The following BBS9 variants were observed in gnomAD, a reference collection of about 807,000 sequenced individuals.
The protein encoded by BBS9 is protein PTHB1.
Under a neutral mutation model 117.7 loss-of-function variants are expected in BBS9, and 89 were observed. The observed-to-expected ratio is 0.76, with a 90% CI of 0.64 to 0.90. BBS9 has a LOEUF of 0.90. Ranked by LOEUF, BBS9 falls within the 40% of genes least tolerant of loss-of-function variation. BBS9 has a pLI of 0.00. For missense variants in BBS9, 982 were observed against 1,042.2 expected (o/e 0.94, Z 0.80); for synonymous variants, 379 against 370.9 (o/e 1.02, Z -0.25).
chr7:33,177,852 A>T (rs1275902685), intron 5 of BBS9: 2 of 374,312 alleles, frequency 5.3e-6, no homozygotes, highest in Non-Finnish European at 9.7e-6. Flanking sequence ...TCAAAATAAT[A>T]AAAAAAAACC....
chr7:33,578,993 G>A (rs1434556093), intron 21 of BBS9, among the ~76,000 whole-genome samples: 2 of 152,170 alleles, frequency 1.3e-5, no homozygotes, highest in African/African-American at 2.4e-5. Context: ...CGCATTCAGC[G>A]GCTTTAGGCT....
chr7:33,225,695 G>C (rs958351491), intron 5 of BBS9, among the ~76,000 whole-genome samples: 1 of 128,134 alleles, frequency 7.8e-6, no homozygotes, highest in East Asian at 2.2e-4. Flanking sequence ...TAAGGAGCTT[G>C]GTTCTTTTTT....
chr7:33,134,073 G>A (rs558123998), intron 1 of BBS9, among the ~76,000 whole-genome samples: 13 of 151,414 alleles, frequency 8.6e-5, no homozygotes, highest in East Asian at 7.8e-4. Context: ...TTTTTGAAAC[G>A]GAGTTTTGCT....
intron 19 of BBS9, among the ~76,000 whole-genome samples, chr7:33,436,771 G>A (rs961963381): frequency 6.6e-5 from 10 of 152,190 alleles, no homozygotes; most frequent in Non-Finnish European, 1.2e-4. Flanking sequence ...AACGGAAGGG[G>A]ACGTGTCTTC....
chr7:33,438,921 T>C (rs1835708344), intron 19 of BBS9, among the ~76,000 whole-genome samples: 1 of 151,928 alleles, frequency 6.6e-6, no homozygotes, highest in Non-Finnish European at 1.5e-5. Context: ...GATGAAGGAG[T>C]CTCTTACAAC....
intron 2 of BBS9, among the ~76,000 whole-genome samples, chr7:33,147,426 T>C (rs1792590814): frequency 6.6e-6 from 1 of 152,156 alleles, no homozygotes; most frequent in Non-Finnish European, 1.5e-5. Context: ...GAAAATTGTA[T>C]TGGTAAAGCA....
At position 33,348,871 on chromosome 7, in the gene BBS9, C is replaced by A. The variant is rs1201178502; in HGVS notation, c.1330-197C>A. Reference sequence around the variant, plus strand: ...CAATCTTTATTCTTTTGAGTAAAGTCTGTTTAGCTTTTGTGCACAGTTTCT... The same window carrying A: ...CAATCTTTATTCTTTTGAGTAAAGTATGTTTAGCTTTTGTGCACAGTTTCT... On this transcript the variant is annotated intron_variant, in intron 12 of 22. Coordinates refer to ENST00000242067, the MANE Select transcript of BBS9 (RefSeq NM_198428.3). Among the ~76,000 whole-genome samples the A allele has an allele frequency of 2.0e-5, 3 of 152,118 alleles. No homozygotes were observed. In the East Asian group the frequency reaches 5.8e-4, roughly 29 times the overall value.
At chr7:33,401,599 T>C (rs746532883) in intron 19 of BBS9, among the ~76,000 whole-genome samples, 16 of 152,184 alleles carry the variant, frequency 1.1e-4, no homozygotes, top group South Asian at 2.1e-4. Context: ...TTCAAGGATT[T>C]TCTAATTGGC....
chr7:33,443,111 A>G (rs1279140261), intron 19 of BBS9, among the ~76,000 whole-genome samples: 1 of 152,178 alleles, frequency 6.6e-6, no homozygotes, highest in Non-Finnish European at 1.5e-5. Flanking sequence ...ACTACTTTGT[A>G]GTAGAACTGG....
intron 9 of BBS9, among the ~76,000 whole-genome samples, chr7:33,330,591 A>G (rs1264840033): frequency 6.6e-6 from 1 of 152,144 alleles, no homozygotes; most frequent in Non-Finnish European, 1.5e-5. Flanking sequence ...ATATTTTTAA[A>G]TTGAACTTTA....
At chr7:33,553,055 A>C (rs997547308) in intron 21 of BBS9, among the ~76,000 whole-genome samples, 3 of 151,950 alleles carry the variant, frequency 2.0e-5, no homozygotes, top group Non-Finnish European at 4.4e-5. Context: ...ACTGTCCTCT[A>C]TCCATTCCCA....
intron 10 of BBS9, among the ~76,000 whole-genome samples, chr7:33,337,846 T>C (rs1419636888): frequency 3.9e-5 from 6 of 152,094 alleles, no homozygotes; most frequent in Admixed American, 2.0e-4. Flanking sequence ...AAACATGAAA[T>C]TTCCAGAGTT....
intron 5 of BBS9, among the ~76,000 whole-genome samples, chr7:33,230,102 G>A (rs923228756): frequency 6.6e-6 from 1 of 152,094 alleles, no homozygotes; most frequent in African/African-American, 2.4e-5. Context: ...TTAAAAATCA[G>A]ATTGTTTTGA....
chr7:33,185,211 T>G (rs1798649789), intron 5 of BBS9, among the ~76,000 whole-genome samples: 1 of 152,204 alleles, frequency 6.6e-6, no homozygotes, highest in Non-Finnish European at 1.5e-5. Context: ...TCTTTGTGAC[T>G]GTACCTTGTG....
At chr7:33,271,150 C>G (rs949945068) in intron 7 of BBS9, among the ~76,000 whole-genome samples, 1 of 152,122 alleles carries the variant, frequency 6.6e-6, no homozygotes, top group Non-Finnish European at 1.5e-5. Flanking sequence ...TCTTTTCAGA[C>G]AAGCAAATGA....
chr7:33,608,017 C>T (rs1423111122), downstream of BBS9, among the ~76,000 whole-genome samples: 4 of 151,722 alleles, frequency 2.6e-5, no homozygotes, highest in Non-Finnish European at 5.9e-5. Flanking sequence ...AAGCATAGTA[C>T]CCAATAGCTA....
rs147138932 is a variant in BBS9 at position 33,439,749 on chromosome 7, G to A, written c.2115+51605G>A. ...TCACCATGTTGACCAGGATGGTCTC[G>A]ATCTCCTGACCTCGTGGTCCACCTG... is the stretch of plus-strand genomic sequence containing the variant. On this transcript the variant is annotated intron_variant, in intron 19 of 22. Coordinates refer to ENST00000242067, the MANE Select transcript of BBS9 (RefSeq NM_198428.3). Among the ~76,000 whole-genome samples, 888 of 152,252 alleles carry A rather than the reference G, an allele frequency of 5.8e-3. 7 individuals carry two copies. Among genetic ancestry groups the A allele is most frequent in the African/African-American group, 0.02 (840 of 41,552 alleles).
chr7:33,326,675 A>C (rs963015720), intron 9 of BBS9, among the ~76,000 whole-genome samples: 2 of 151,834 alleles, frequency 1.3e-5, no homozygotes, highest in Admixed American at 1.3e-4. Flanking sequence ...TCAGGGCCCA[A>C]GGGCTCTTTA....
At chr7:33,247,352 G>C (rs928635367) in intron 5 of BBS9, among the ~76,000 whole-genome samples, 1 of 151,960 alleles carries the variant, frequency 6.6e-6, no homozygotes, top group Non-Finnish European at 1.5e-5. Context: ...AGCTCCCAGG[G>C]GTCTGGGATA....
Sources: gnomAD v4.1 joint callset for allele counts (sites outside exome capture counted in the v4.1 genomes callset) on GRCh38, gnomAD v4.1.1 for gene constraint, MANE v1.5 for transcripts, NCBI Gene and HGNC (gene_info 2026-07-23, HGNC 2026-07-21) for gene names.